XIST: variants seen among roughly 807,000 people sequenced by gnomAD.
XIST encodes X inactive specific transcript (non-protein coding).
chrX:73,839,317 G>A (rs1922545203), intron 1 of XIST, among the ~76,000 whole-genome samples: 1 of 111,131 alleles, frequency 9.0e-6, no homozygotes, highest in Non-Finnish European at 1.9e-5. Flanking sequence ...TACATGTTAA[G>A]GTTTTATAAA....
chrX:73,846,366 A>G (rs1446520398), exon 1 of XIST: 2 of 558,801 alleles, frequency 3.6e-6, no homozygotes, highest in Non-Finnish European at 6.5e-6. Context: ...TGGAGTGGGC[A>G]CTCCCTGCTG....
exon 6 of XIST, chrX:73,827,684 A>G (rs753855509): frequency 1.8e-6 from 1 of 550,261 alleles, no homozygotes; most frequent in Non-Finnish European, 3.3e-6. Context: ...AGGCAGAGAA[A>G]GGAGAGGTAG....
exon 6 of XIST, chrX:73,826,825 C>G (rs765547800): frequency 3.6e-6 from 2 of 558,471 alleles, no homozygotes; most frequent in South Asian, 2.2e-5. Context: ...AGCTACAACC[C>G]TGGGCTAATC....
exon 6 of XIST, chrX:73,822,788 A>G (rs777941175): frequency 1.8e-6 from 1 of 554,271 alleles, no homozygotes; most frequent in Admixed American, 2.3e-5. Context: ...TGAACGAAAA[A>G]ATAAAAAGCC....
chrX:73,848,380 T>C (rs1241148846), exon 1 of XIST: 1 of 553,411 alleles, frequency 1.8e-6, no homozygotes, highest in African/African-American at 2.2e-5. Flanking sequence ...TATAAAAGAC[T>C]CAGTTCTAAT....
Position 73,842,633 on chromosome X carries a change from T to C in XIST, n.10091A>G, listed in dbSNP as rs112527404. The C allele has an allele frequency of 0.015, 8,587 of 556,299 alleles. 390 individuals carry two copies. The highest frequency in any genetic ancestry group is 0.15 in the African/African-American group (6,640 of 44,483). 45.8% of individuals were successfully genotyped at this position (556,299 alleles called of 1,213,427 possible). ...AATGGGACAATCAGTACTGTGTTTATTAATAACACAGAAGGGGCTTTGGGT... is the reference window on the plus strand; with the variant it reads ...AATGGGACAATCAGTACTGTGTTTACTAATAACACAGAAGGGGCTTTGGGT... On this transcript the variant is annotated non_coding_transcript_exon_variant, in exon 1 of 6. Transcript: ENST00000429829.
exon 1 of XIST, chrX:73,852,710 A>C (rs1257773183): frequency 1.2e-5 from 5 of 432,231 alleles, no homozygotes; most frequent in Non-Finnish European, 2.0e-5. Context: ...GAGAGTAAGA[A>C]ATATGGCTGC....
exon 1 of XIST, chrX:73,845,058 G>A (rs534141514): frequency 9.0e-6 from 5 of 557,104 alleles, no homozygotes; most frequent in African/African-American, 2.2e-5. Context: ...CTGCAAAAGG[G>A]GTCTGAGAGT....
exon 6 of XIST, chrX:73,825,913 C>T: frequency 1.8e-6 from 1 of 559,068 alleles, no homozygotes; most frequent in Non-Finnish European, 3.2e-6. Flanking sequence ...TAAACATGCT[C>T]AACAGTCCCA....
chrX:73,827,301 G>A (rs1316848170), exon 6 of XIST: 5 of 556,080 alleles, frequency 9.0e-6, no homozygotes, highest in Middle Eastern at 3.1e-4. Context: ...ACACACACAC[G>A]TACACTTGCC....
chrX:73,829,342 T>C (rs182052940), intron 4 of XIST: 2 of 443,296 alleles, frequency 4.5e-6, no homozygotes, highest in South Asian at 3.5e-5. Flanking sequence ...CACAGAACTT[T>C]GAAACCTATA....
At chrX:73,837,644 G>C (rs1922508953) in intron 1 of XIST, 1 of 410,263 alleles carries the variant, frequency 2.4e-6, no homozygotes, top group Admixed American at 3.8e-5. Context: ...GGGAAAAACT[G>C]GGTGTGAAGT....
intron 5 of XIST, chrX:73,828,637 CTTCA>C (rs1404066936): frequency 8.8e-6 from 1 of 113,307 alleles, no homozygotes; most frequent in Admixed American, 9.4e-5. Context: ...AGAAAACTGA[CTTCA>C]TTCTCACACT....
chrX:73,841,177 T>G (rs1922578940), intron 1 of XIST: 3 of 318,448 alleles, frequency 9.4e-6, no homozygotes, highest in Admixed American at 1.1e-4. Flanking sequence ...CAATATTAAT[T>G]CTACAGTTCT....
At chrX:73,836,118 C>T (rs1569511993) in intron 2 of XIST, among the ~76,000 whole-genome samples, 1 of 111,026 alleles carries the variant, frequency 9.0e-6, no homozygotes, top group Non-Finnish European at 1.9e-5. Flanking sequence ...TTCCCACCTC[C>T]AGTGTTCTCA....
At chrX:73,842,311 C>A (rs1489121562) in exon 1 of XIST, 1 of 552,715 alleles carries the variant, frequency 1.8e-6, no homozygotes, top group African/African-American at 2.2e-5. Context: ...AGAGAAAGTG[C>A]CAACCTTCCT....
rs746416007 is a variant in XIST, at chrX:73,849,785, TAG to T, written n.2937_2938del. 2.1e-5 allele frequency: 11 copies of T among 531,932 alleles called. No homozygotes were observed. The South Asian group carries it at 2.6e-4, about 13-fold the overall frequency. 43.8% of individuals were successfully genotyped at this position (531,932 alleles called of 1,213,427 possible). On this transcript the variant is annotated non_coding_transcript_exon_variant, in exon 1 of 6. Coordinates refer to ENST00000429829, the Ensembl canonical transcript of XIST. ...TTTTGAGCACTGAATCAATGAAAAT[TAG>T]AGTGACTTTCGAGAGAAGCTGGGCG...
exon 1 of XIST, chrX:73,844,866 T>C: frequency 1.8e-6 from 1 of 557,940 alleles, no homozygotes; most frequent in Non-Finnish European, 3.2e-6. Flanking sequence ...ATTGTGCACC[T>C]TGACTGTCCA....
chrX:73,820,930 G>A lies in XIST; in HGVS notation n.18971C>T, dbSNP rs746391655. ...CTTAATTCCTTGTGTCTGCATAAAA[G>A]CAGATTTATTCATCACAACTTCATT... On this transcript the variant is annotated non_coding_transcript_exon_variant, in exon 6 of 6. Coordinates refer to ENST00000429829, the Ensembl canonical transcript of XIST. 9.0e-6 allele frequency: 5 copies of A among 557,715 alleles called. No individual in the cohort carries two copies. The Admixed American group carries it at 1.1e-4, about 12-fold the overall frequency. The allele number at this position is 557,715 out of a possible 1,213,427, so 46.0% of individuals were successfully genotyped here. A position where few individuals can be genotyped will look rare whatever the true frequency, so the allele number is the denominator to read the frequency against.
Sources: gnomAD v4.1 joint callset for allele counts (sites outside exome capture counted in the v4.1 genomes callset) on GRCh38, gnomAD v4.1.1 for gene constraint, MANE v1.5 for transcripts, NCBI Gene and HGNC (gene_info 2026-07-23, HGNC 2026-07-21) for gene names.